Variants in SAMD11 observed in about 807,000 individuals in gnomAD.
SAMD11 encodes the protein sterile alpha motif domain containing 11.
A neutral mutation model predicts 64.4 loss-of-function variants in SAMD11; 77 were observed. The observed-to-expected ratio is 1.20, with a 90% CI of 0.99 to 1.44. The LOEUF is 1.44. Among genes scored for constraint, SAMD11 ranks in the 40% most tolerant of loss-of-function variants. SAMD11 has a pLI of 0.00. For synonymous variants in SAMD11, 658 were observed against 421.9 expected (o/e 1.56, Z -6.86); for missense variants, 1,402 against 943.3 (o/e 1.49, Z -6.37).
At chr1:937,804 G>A (rs563339351) in intron 5 of SAMD11, among the ~76,000 whole-genome samples, 35 of 152,356 alleles carry the variant, frequency 2.3e-4, no homozygotes, top group Admixed American at 1.6e-3. Flanking sequence ...GACAGCAGCC[G>A]GGCCAGGATC....
rs1466798160 is a variant in SAMD11 at position 944,253 on chromosome 1, G to A, written c.*100G>A. On this transcript the variant is annotated 3_prime_UTR_variant, in exon 14 of 14. Transcript: ENST00000616016. Reference sequence around the variant, plus strand: ...CGCTTTATTTCTTTCGGTTTCGGATGCAAAACAAAAAATTTTAAAAGAAAA... The same window carrying A: ...CGCTTTATTTCTTTCGGTTTCGGATACAAAACAAAAAATTTTAAAAGAAAA... The A allele has an allele frequency of 2.1e-6, 3 of 1,454,218 alleles. No individual in the cohort carries two copies. The East Asian group carries it at 7.5e-5, about 36-fold the overall frequency. 90.1% of individuals were successfully genotyped at this position (1,454,218 alleles called of 1,614,324 possible).
intron 7 of SAMD11, 123 bp downstream of exon 7, chr1:939,535 G>C: frequency 6.6e-7 from 1 of 1,525,220 alleles, no homozygotes; most frequent in East Asian, 2.3e-5. Context: ...CTGTTGCTGA[G>C]GCCCTGCTGA....
intron 5 of SAMD11, among the ~76,000 whole-genome samples, chr1:937,461 G>A (rs1641518977): frequency 6.6e-6 from 1 of 150,830 alleles, no homozygotes; most frequent in African/African-American, 2.4e-5. Flanking sequence ...ACAGAACGGA[G>A]AGGGTAGTTT....
rs531354544 is a variant in SAMD11, at chr1:943,745, G to A, written c.2226G>A (p.Thr742=). The A allele has an allele frequency of 2.0e-5, 32 of 1,608,818 alleles. 1 individual carries two copies. The highest frequency in any genetic ancestry group is 6.7e-5 in the East Asian group (3 of 44,738). ...ACGGGGAGACCCTGCCACTGCTGAC[G>A]GAGGAGCACCTGCTGACCAACATGG... is the stretch of plus-strand genomic sequence containing the variant. ...GIDGETLPLL[T]EEHLLTNMGL... is the part of the protein sequence containing the mutation. Residue 742 remains threonine (T), a synonymous_variant, in exon 13 of 14, where the codon ACG becomes ACA. Transcript: ENST00000616016.
In SAMD11 at chr1:942,816, C is replaced by T. The variant is rs1223079362; in HGVS notation, c.1811C>T (p.Ser604Leu). Residue 604 changes from serine (S) to leucine (L), a missense_variant, in exon 11 of 14, where the codon TCA becomes TTA. Transcript: ENST00000616016. ...CGGAAGGGGGGTCCCGGCCCTGCCT[C>T]AGCGCGGCCCAGCGAGTCCAAGGAG... The part of the protein sequence containing the change: ...APRKGGPGPA[S>L]ARPSESKEMT... 1 of 1,548,124 alleles carries T rather than the reference C, an allele frequency of 6.5e-7. No homozygotes were observed. The highest frequency in any genetic ancestry group is 8.7e-7 in the Non-Finnish European group (1 of 1,146,264).
Position 943,350 on chromosome 1 carries a change from C to A in SAMD11, c.2151C>A (p.Gly717=). ...TVDDVCSFVG[G]LSGCGEYTRV... ...ATGACGTCTGCAGCTTCGTGGGGGG[C>A]CTGTCTGGCTGTGGAGAGTACACTC... Residue 717 remains glycine (G), a synonymous_variant, in exon 12 of 14, where the codon GGC becomes GGA. Transcript: ENST00000616016. 7 of 1,590,840 alleles carry A rather than the reference C, an allele frequency of 4.4e-6. No individual in the cohort carries two copies. The highest frequency in any genetic ancestry group is 6.0e-6 in the Non-Finnish European group (7 of 1,167,350).
At position 943,028 on chromosome 1, in the gene SAMD11, C is replaced by T. The variant is rs190069697; in HGVS notation, c.2023C>T (p.Pro675Ser). ...FPGSTLPLGF[P>S]YAVSPYFHTG... The stretch of plus-strand genomic sequence containing the variant: ...AGGGTCCACACTGCCCCTGGGCTTC[C>T]CTTATGCCGTCAGCCCCTACTTCCA... The change falls in exon 11 of 14, where the codon CCT becomes TCT. Residue 675 changes from proline to serine, a missense_variant. Transcript: ENST00000616016. 20 of 1,530,982 alleles carry T rather than the reference C, an allele frequency of 1.3e-5. No homozygotes were observed. In the East Asian group the frequency reaches 2.1e-4, roughly 16 times the overall value. 94.8% of individuals were successfully genotyped at this position (1,530,982 alleles called of 1,614,324 possible). A position where few individuals can be genotyped will look rare whatever the true frequency, so the allele number is the denominator to read the frequency against.
intron 1 of SAMD11, chr1:925,270 G>C (rs1160520966): frequency 6.6e-6 from 1 of 152,374 alleles, no homozygotes; most frequent in African/African-American, 2.4e-5. Flanking sequence ...CGGGTTGGGA[G>C]GGCGCGGAGC....
At chr1:927,815 TC>T (rs1303757952) in intron 2 of SAMD11, among the ~76,000 whole-genome samples, 3 of 152,212 alleles carry the variant, frequency 2.0e-5, no homozygotes, top group African/African-American at 7.2e-5. Context: ...GTGTGTTCTG[TC>T]CTTGGGCAGG....
At chr1:929,195 G>A (rs529560180) in intron 2 of SAMD11, among the ~76,000 whole-genome samples, 29 of 152,334 alleles carry the variant, frequency 1.9e-4, no homozygotes, top group East Asian at 3.9e-4. Context: ...GCAGGGTGCC[G>A]CGGGCACGTC....
In SAMD11 at chr1:941,252, T is replaced by A; in HGVS notation, c.1304T>A (p.Leu435Gln). The change falls in exon 8 of 14, where the codon CTG (leucine) becomes CAG (glutamine). Residue 435 changes from leucine to glutamine, a missense_variant. By Grantham distance (113) the Leu-to-Gln change is moderately radical (BLOSUM62 -2). Coordinates refer to ENST00000616016, the MANE Select transcript of SAMD11 (RefSeq NM_001385641.1). ...GCAGGTCAGCGTCGGAAGCAGGGCCTGGCTCAGCACCGGGAGGGCGCCGCC... is the reference window on the plus strand; with the variant it reads ...GCAGGTCAGCGTCGGAAGCAGGGCCAGGCTCAGCACCGGGAGGGCGCCGCC... ...STAGQRRKQG[L>Q]AQHREGAAPA... 1 of 1,602,732 alleles carries A rather than the reference T, an allele frequency of 6.2e-7. No individual in the cohort carries two copies. Among genetic ancestry groups the A allele is most frequent in the Non-Finnish European group, 8.5e-7 (1 of 1,175,568 alleles).
chr1:935,947 G>A (rs1185977840), intron 5 of SAMD11, 51 bp downstream of exon 5: 3 of 1,581,244 alleles, frequency 1.9e-6, no homozygotes, highest in East Asian at 2.3e-5. Flanking sequence ...GGGGCCAGAG[G>A]ACGGTGGCGT....
At chr1:938,101 A>C (rs1212982916) in intron 5 of SAMD11, among the ~76,000 whole-genome samples, 1 of 151,902 alleles carries the variant, frequency 6.6e-6, no homozygotes, top group Admixed American at 6.6e-5. Flanking sequence ...GGAGACCCCC[A>C]GGGCGTGGAG....
At position 939,335 on chromosome 1, in the gene SAMD11, G is replaced by A. The variant is rs752072068; in HGVS notation, c.1118G>A (p.Arg373Gln). The A allele has an allele frequency of 5.6e-6, 9 of 1,612,220 alleles. No homozygotes were observed. The highest frequency in any genetic ancestry group is 5.0e-5 in the Admixed American group (3 of 59,916). ...ATGGCCCCGGAGGACCATTACCGCC[G>A]GCTTGTGTCAGCACTGAGCGAGGCC... ...PSMAPEDHYR[R>Q]LVSALSEAST... is the part of the protein sequence containing the mutation. Residue 373 changes from arginine to glutamine, a missense_variant, in exon 7 of 14, where the codon CGG (arginine) becomes CAG (glutamine). Arg to Gln is a conservative substitution (Grantham distance 43). Transcript: ENST00000616016.
chr1:925,951 G>A lies in SAMD11; in HGVS notation c.547G>A (p.Gly183Arg), dbSNP rs1640863207. ...GKSLKTLMSK[G>R]ILQVHPPICD... ...AAGTCTGAAGACGCTTATGTCCAAGGGGATCCTGCAGGTGCATCCTCCGAT... is the reference window on the plus strand; with the variant it reads ...AAGTCTGAAGACGCTTATGTCCAAGAGGATCCTGCAGGTGCATCCTCCGAT... The change falls in exon 2 of 14, where the codon GGG becomes AGG. Residue 183 changes from glycine (G) to arginine (R), a missense_variant. Transcript: ENST00000616016. 1.9e-6 allele frequency: 3 copies of A among 1,611,898 alleles called. No homozygotes were observed. Among genetic ancestry groups the A allele is most frequent in the Non-Finnish European group, 2.5e-6 (3 of 1,179,924 alleles).
chr1:944,507 C>T lies in SAMD11; in HGVS notation c.*354C>T. 1.6e-6 allele frequency: 1 copy of T among 608,160 alleles called. No individual in the cohort carries two copies. 37.7% of individuals were successfully genotyped at this position (608,160 alleles called of 1,614,324 possible). On this transcript the variant is annotated 3_prime_UTR_variant, in exon 14 of 14. Transcript: ENST00000616016. ...CAGCTGTGGGGCTTCAGCAGCCACA[C>T]CAGCCCAGCCCAGCCCAGCTCTCGA...
intron 8 of SAMD11, among the ~76,000 whole-genome samples, chr1:941,876 G>A (rs939542577): frequency 2.8e-4 from 43 of 152,250 alleles, no homozygotes; most frequent in Middle Eastern, 3.4e-3. Flanking sequence ...GCAGGGGAGG[G>A]GAGCAGGCGG....
At chr1:939,484 C>A in intron 7 of SAMD11, 72 bp downstream of exon 7, 1 of 1,546,668 alleles carries the variant, frequency 6.5e-7, no homozygotes, top group South Asian at 1.2e-5. Context: ...CTGGCATGAT[C>A]TCCCCTCATC....
At position 942,551 on chromosome 1, in the gene SAMD11, C is replaced by T; in HGVS notation, c.1554-8C>T. The T allele has an allele frequency of 2.1e-6, 3 of 1,402,536 alleles. No individual in the cohort carries two copies. The highest frequency in any genetic ancestry group is 2.8e-6 in the Non-Finnish European group (3 of 1,087,952). The allele number at this position is 1,402,536 out of a possible 1,614,324, so 86.9% of individuals were successfully genotyped here. ...GAGGCGGCTGACCCGCGTCTGCCCC[C>T]GGCCCAGGCTGGAGCTGCCCGCCGA... On this transcript the variant is annotated splice_polypyrimidine_tract_variant and splice_region_variant and intron_variant, in intron 10 of 13. Coordinates refer to ENST00000616016, the MANE Select transcript of SAMD11 (RefSeq NM_001385641.1).
Sources: gnomAD v4.1 joint callset for allele counts (sites outside exome capture counted in the v4.1 genomes callset) on GRCh38, gnomAD v4.1.1 for gene constraint, MANE v1.5 for transcripts, NCBI Gene and HGNC (gene_info 2026-07-23, HGNC 2026-07-21) for gene names.